SDK2: variants seen among roughly 807,000 people sequenced by gnomAD.
SDK2 encodes protein sidekick-2.
A neutral mutation model predicts 253.9 loss-of-function variants in SDK2; 105 were observed. The ratio of observed to expected loss-of-function variants is 0.41; its 90% CI spans 0.35 to 0.49. The LOEUF is 0.49. Ranked by LOEUF, SDK2 falls within the 20% of genes least tolerant of loss-of-function variation. SDK2 has a pLI of 0.06. For missense variants in SDK2, 2,608 were observed against 3,003.0 expected (o/e 0.87, Z 3.07); for synonymous variants, 1,249 against 1,234.9 (o/e 1.01, Z -0.24).
At chr17:73,482,402 C>T (rs1001912980) in intron 2 of SDK2, among the ~76,000 whole-genome samples, 3 of 152,214 alleles carry the variant, frequency 2.0e-5, no homozygotes, top group Non-Finnish European at 2.9e-5. Flanking sequence ...TGCACAAGCA[C>T]CTGCTGCTGG....
chr17:73,495,357 A>G (rs965418153), intron 2 of SDK2, among the ~76,000 whole-genome samples: 2 of 152,238 alleles, frequency 1.3e-5, no homozygotes, highest in Admixed American at 1.3e-4. Context: ...TGTCACATCC[A>G]GAAGGTGTCT....
At chr17:73,613,419 C>A (rs563097310) in intron 1 of SDK2, among the ~76,000 whole-genome samples, 454 of 148,196 alleles carry the variant, frequency 3.1e-3, no homozygotes, top group African/African-American at 8.4e-3. Flanking sequence ...TCCAGGCTGG[C>A]GGAATTAGCC....
intron 1 of SDK2, among the ~76,000 whole-genome samples, chr17:73,625,739 G>A (rs985069239): frequency 1.3e-5 from 2 of 151,860 alleles, no homozygotes; most frequent in Admixed American, 6.6e-5. Flanking sequence ...CTGCCTCCCC[G>A]GCTCAAGCGA....
In SDK2 at chr17:73,515,530, G is replaced by C. The variant is rs188391313; in HGVS notation, c.65-7933C>G. 2.9e-3 allele frequency among the ~76,000 whole-genome samples: 445 copies of C among 152,350 alleles called. 4 individuals are homozygous for C. Among genetic ancestry groups the C allele is most frequent in the Admixed American group, 6.0e-3 (92 of 15,310 alleles). ...TCCCAGAAGAGACTGGTCCGCCCAG[G>C]GGGTGAGGGTTTCAGGTGGATGAGC... On this transcript the variant is annotated intron_variant, in intron 1 of 44. Coordinates refer to ENST00000392650, the MANE Select transcript of SDK2 (RefSeq NM_001144952.2).
chr17:73,610,612 C>T (rs554132185), intron 1 of SDK2, among the ~76,000 whole-genome samples: 36 of 152,096 alleles, frequency 2.4e-4, no homozygotes, highest in African/African-American at 8.2e-4. Context: ...ACGAGGGAGG[C>T]GGGGAGTGAG....
At position 73,455,819 on chromosome 17, in the gene SDK2, C is replaced by G; in HGVS notation, c.479+87G>C. ...GGGGCTTCTGCACAAAGGCCCTCCT[C>G]CACACTCAAGGGAGACTTTATCTGG... On this transcript the variant is annotated intron_variant, in intron 4 of 44. Coordinates refer to ENST00000392650, the MANE Select transcript of SDK2 (RefSeq NM_001144952.2). The surrounding 1 kb of genome is among the most constrained non-coding windows in gnomAD (Gnocchi z 5.0). The G allele has an allele frequency of 7.1e-7, 1 of 1,409,446 alleles. No homozygotes were observed. Among genetic ancestry groups the G allele is most frequent in the Non-Finnish European group, 9.4e-7 (1 of 1,063,494 alleles). 87.3% of individuals were successfully genotyped at this position (1,409,446 alleles called of 1,614,324 possible).
intron 2 of SDK2, among the ~76,000 whole-genome samples, chr17:73,485,758 C>A (rs2063765801): frequency 6.6e-6 from 1 of 152,202 alleles, no homozygotes; most frequent in Non-Finnish European, 1.5e-5. Context: ...CAGCCATGCA[C>A]ATTTGTGGAC....
At chr17:73,440,396 G>A (rs897317768) in intron 6 of SDK2, among the ~76,000 whole-genome samples, 4 of 152,068 alleles carry the variant, frequency 2.6e-5, no homozygotes, top group African/African-American at 9.7e-5. Context: ...ATGAGCCATC[G>A]CGCCCAAAGC....
In SDK2 at chr17:73,435,422, G is replaced by T; in HGVS notation, c.1195+28C>A. 6.4e-7 allele frequency: 1 copy of T among 1,556,542 alleles called. No homozygotes were observed. Among genetic ancestry groups the T allele is most frequent in the East Asian group, 2.4e-5 (1 of 42,330 alleles). Reference sequence around the variant, plus strand: ...CTGCGTCCTGGGAAGAGGGGCTCACGGGCAGCACAAGGGAAGGCCCAACTT... The same window carrying T: ...CTGCGTCCTGGGAAGAGGGGCTCACTGGCAGCACAAGGGAAGGCCCAACTT... On this transcript the variant is annotated intron_variant, in intron 9 of 44. Coordinates refer to ENST00000392650, the MANE Select transcript of SDK2 (RefSeq NM_001144952.2). The surrounding 1 kb of genome is among the most constrained non-coding windows in gnomAD (Gnocchi z 5.7).
chr17:73,572,631 G>A (rs1424221135), intron 1 of SDK2, among the ~76,000 whole-genome samples: 1 of 152,138 alleles, frequency 6.6e-6, no homozygotes, highest in Admixed American at 6.5e-5. Context: ...GTCTGTTTTT[G>A]TCTCATCTCC....
rs1162935228 is a variant in SDK2 at position 73,496,229 on chromosome 17, T to A, written c.224+11209A>T. On this transcript the variant is annotated intron_variant, in intron 2 of 44. Coordinates refer to ENST00000392650, the MANE Select transcript of SDK2 (RefSeq NM_001144952.2). The surrounding 1 kb of genome is among the most constrained non-coding windows in gnomAD (Gnocchi z 4.7). ...ACTCTTCTGCACGCTTCATCTTGCA[T>A]GACATTCCCAGCCACCCTGGGAGGT... is the stretch of plus-strand genomic sequence containing the variant. Among the ~76,000 whole-genome samples, 1 of 152,188 alleles carries A rather than the reference T, an allele frequency of 6.6e-6. No individual in the cohort carries two copies. Among genetic ancestry groups the A allele is most frequent in the Admixed American group, 6.5e-5 (1 of 15,272 alleles).
At chr17:73,433,991 T>C (rs2063348447) in intron 9 of SDK2, 143 bp from the exon 10 acceptor site, 2 of 615,158 alleles carry the variant, frequency 3.3e-6, no homozygotes, top group Admixed American at 3.1e-5. Context: ...AGGAAGGATG[T>C]AGGCATCTTG....
intron 1 of SDK2, among the ~76,000 whole-genome samples, chr17:73,531,952 G>A (rs1051645415): frequency 1.3e-5 from 2 of 152,170 alleles, no homozygotes; most frequent in African/African-American, 2.4e-5. Flanking sequence ...GAGTGGCTGA[G>A]GTGCCTGTAC....
At chr17:73,380,522 G>A (rs987698004) in intron 34 of SDK2, among the ~76,000 whole-genome samples, 2 of 152,184 alleles carry the variant, frequency 1.3e-5, no homozygotes, top group African/African-American at 2.4e-5. Flanking sequence ...CAGCTGGGCC[G>A]AGAAGTGCCT....
Position 73,380,759 on chromosome 17 carries a change from G to C in SDK2, c.4762+135C>G. Reference sequence around the variant, plus strand: ...TGTTTAGGGTTATCACTTGTGTTCAGGGTAGTCCCGTTTCTTAAGCCCCCT... The same window carrying C: ...TGTTTAGGGTTATCACTTGTGTTCACGGTAGTCCCGTTTCTTAAGCCCCCT... On this transcript the variant is annotated intron_variant, in intron 34 of 44. Coordinates refer to ENST00000392650, the MANE Select transcript of SDK2 (RefSeq NM_001144952.2). 5 of 759,824 alleles carry C rather than the reference G, an allele frequency of 6.6e-6. No individual in the cohort carries two copies. In the South Asian group the frequency reaches 7.4e-5, roughly 11 times the overall value. The allele number at this position is 759,824 out of a possible 1,614,324, so 47.1% of individuals were successfully genotyped here.
intron 1 of SDK2, among the ~76,000 whole-genome samples, chr17:73,595,813 C>T (rs1027043664): frequency 6.6e-6 from 1 of 152,178 alleles, no homozygotes; most frequent in Admixed American, 6.5e-5. Flanking sequence ...CCCTAGAAGG[C>T]TTGGAGGCAG....
chr17:73,506,377 G>T (rs991365829), intron 2 of SDK2, among the ~76,000 whole-genome samples: 1 of 152,150 alleles, frequency 6.6e-6, no homozygotes, highest in African/African-American at 2.4e-5. Context: ...GGAGGGGAGG[G>T]GGTGCCCTGT....
At chr17:73,463,660 T>C (rs973100512) in intron 3 of SDK2, among the ~76,000 whole-genome samples, 3 of 152,214 alleles carry the variant, frequency 2.0e-5, no homozygotes, top group Non-Finnish European at 4.4e-5. Context: ...TTTTTAAACA[T>C]TTTACACCTG....
Position 73,365,332 on chromosome 17 carries a change from C to T in SDK2, c.5231G>A (p.Trp1744Ter). The stretch of plus-strand genomic sequence containing the variant: ...GCCATTGGGGAACTGCGGGGCTTCC[C>T]AGGACACATTCACTGAGGTTGTGGT... ...ELTTTSVNVS[W>*]EAPQFPNGIL... The change falls in exon 38 of 45, where the codon TGG (tryptophan) becomes TAG (stop). Residue 1744 changes from tryptophan (W) to a stop codon, truncating the protein, a stop_gained. Transcript: ENST00000392650. LOFTEE classifies it high-confidence loss of function. 6.2e-7 allele frequency: 1 copy of T among 1,612,996 alleles called. No homozygotes were observed. The highest frequency in any genetic ancestry group is 8.5e-7 in the Non-Finnish European group (1 of 1,179,510).
Sources: gnomAD v4.1 joint callset for allele counts (sites outside exome capture counted in the v4.1 genomes callset) on GRCh38, gnomAD v4.1.1 for gene constraint, Gnocchi (gnomAD v3.1) non-coding constraint, MANE v1.5 for transcripts, NCBI Gene and HGNC (gene_info 2026-07-23, HGNC 2026-07-21) for gene names.